PLXNA4: variants seen among roughly 807,000 people sequenced by gnomAD.
PLXNA4 encodes plexin-A4.
In PLXNA4, 44 loss-of-function variants were observed where a neutral mutation model predicts 191.8. That is an observed-to-expected ratio of 0.23 (90% CI 0.18 to 0.29). PLXNA4 has a LOEUF of 0.29. PLXNA4 is among the 10% of genes least tolerant of loss of function. The pLI is 1.00. For missense variants in PLXNA4, 1,800 were observed against 2,488.8 expected, an observed-to-expected ratio of 0.72 and a Z score of 5.89; for synonymous variants, 1,082 against 1,009.5, an observed-to-expected ratio of 1.07 and a Z score of -1.36.
At chr7:132,520,998 G>A (rs956971489) in intron 1 of PLXNA4, among the ~76,000 whole-genome samples, 10 of 151,746 alleles carry the variant, frequency 6.6e-5, no homozygotes, top group East Asian at 1.9e-4. Flanking sequence ...TCAATTCCCC[G>A]AAAAATCAGG....
chr7:132,648,021 A>G (rs930753738), intron 1 of PLXNA4, among the ~76,000 whole-genome samples: 1 of 151,768 alleles, frequency 6.6e-6, no homozygotes, highest in African/African-American at 2.4e-5. Flanking sequence ...ACACACATAT[A>G]CTCACACACA....
chr7:132,452,231 C>T (rs566080751), intron 3 of PLXNA4, among the ~76,000 whole-genome samples: 1 of 152,266 alleles, frequency 6.6e-6, no homozygotes, highest in African/African-American at 2.4e-5. Flanking sequence ...GCAAGGCATC[C>T]CAGCACCATG....
Position 132,228,432 on chromosome 7 carries a change from G to C in PLXNA4, c.1642C>G (p.Pro548Ala), listed in dbSNP as rs752526372. 6.2e-7 allele frequency: 1 copy of C among 1,614,120 alleles called. No individual in the cohort carries two copies. The highest frequency in any genetic ancestry group is 1.1e-5 in the South Asian group (1 of 91,078). The change falls in exon 6 of 32, where the codon CCC becomes GCC. Residue 548 changes from proline to alanine, a missense_variant. Coordinates refer to ENST00000321063, the MANE Select transcript of PLXNA4 (RefSeq NM_020911.2). ...RKERCERSKEPRRFASEMKQC... is the reference protein window; with the variant it reads ...RKERCERSKEARRFASEMKQC... ...TTCATCTCCGAGGCAAACCTGCGGG[G>C]CTCCTTGGACCGCTCACACCGCTCC...
At chr7:132,139,702 C>T (rs747042807) in intron 30 of PLXNA4, among the ~76,000 whole-genome samples, 4 of 152,192 alleles carry the variant, frequency 2.6e-5, no homozygotes, top group East Asian at 1.9e-4. Context: ...CTGAAAGTAA[C>T]GCAAATAAGT....
intron 4 of PLXNA4, among the ~76,000 whole-genome samples, chr7:132,260,856 G>A (rs1257662466): frequency 1.3e-5 from 2 of 152,036 alleles, no homozygotes; most frequent in Non-Finnish European, 2.9e-5. Flanking sequence ...ACCCCAGAGT[G>A]AGCCCTACCA....
At chr7:132,446,326 G>A (rs1795910848) in intron 3 of PLXNA4, among the ~76,000 whole-genome samples, 1 of 152,094 alleles carries the variant, frequency 6.6e-6, no homozygotes, top group African/African-American at 2.4e-5. Flanking sequence ...CAACAAACTA[G>A]GCACAGGCAC....
chr7:132,287,914 A>G (rs1221543432), intron 4 of PLXNA4, among the ~76,000 whole-genome samples: 1 of 152,164 alleles, frequency 6.6e-6, no homozygotes, highest in Non-Finnish European at 1.5e-5. Flanking sequence ...CTGAGTTCTG[A>G]TCACATCTGC....
intron 4 of PLXNA4, among the ~76,000 whole-genome samples, chr7:132,261,676 C>T (rs1466798025): frequency 6.6e-6 from 1 of 152,238 alleles, no homozygotes; most frequent in Non-Finnish European, 1.5e-5. Flanking sequence ...CACAGCCCTT[C>T]AGGACCCGGG....
In PLXNA4 at chr7:132,489,465, T is replaced by C; in HGVS notation, c.1198A>G (p.Ile400Val). ...TCCAGGCCACAGAAGTTATCGTCAATGGTTAAGAGCTGCAAATTTTAAAAA... is the reference window on the plus strand; with the variant it reads ...TCCAGGCCACAGAAGTTATCGTCAACGGTTAAGAGCTGCAAATTTTAAAAA... The part of the protein sequence containing the change: ...DIPCSSALLT[I>V]DDNFCGLDMN... The change falls in exon 3 of 32, where the codon ATT (isoleucine) becomes GTT (valine). Residue 400 changes from isoleucine to valine, a missense_variant. Around this residue, in one of 6 missense-constraint regions of PLXNA4, gnomAD observed 1,397 missense variants for 1,880.4 expected, o/e 0.74. Coordinates refer to ENST00000321063, the MANE Select transcript of PLXNA4 (RefSeq NM_020911.2). 1.3e-6 allele frequency: 2 copies of C among 1,567,856 alleles called. No homozygotes were observed. Among genetic ancestry groups the C allele is most frequent in the Non-Finnish European group, 1.7e-6 (2 of 1,143,860 alleles).
intron 3 of PLXNA4, among the ~76,000 whole-genome samples, chr7:132,300,558 G>A (rs971687225): frequency 6.6e-6 from 1 of 152,244 alleles, no homozygotes; most frequent in African/African-American, 2.4e-5. Flanking sequence ...AAATGCCTCT[G>A]ATTCCCAGAG....
chr7:132,443,205 G>C (rs779115537), intron 3 of PLXNA4, among the ~76,000 whole-genome samples: 1 of 152,126 alleles, frequency 6.6e-6, no homozygotes, highest in Non-Finnish European at 1.5e-5. Flanking sequence ...GCTGATGTTT[G>C]GAGGTTTTCC....
In PLXNA4 at chr7:132,185,368, T is replaced by A; in HGVS notation, c.3089A>T (p.Gln1030Leu). The A allele has an allele frequency of 6.2e-7, 1 of 1,614,140 alleles. No homozygotes were observed. Among genetic ancestry groups the A allele is most frequent in the Non-Finnish European group, 8.5e-7 (1 of 1,180,006 alleles). Residue 1030 changes from glutamine to leucine, a missense_variant, in exon 16 of 32, where the codon CAG becomes CTG. Gln to Leu is a moderately radical substitution (Grantham distance 113, BLOSUM62 -2). Transcript: ENST00000321063. ...SVQVDRAKIHQDLVFQYVEDP... is the reference protein window; with the variant it reads ...SVQVDRAKIHLDLVFQYVEDP... Reference sequence around the variant, plus strand: ...TTCCACATACTGAAAGACCAGGTCCTGGTGGATCTTGGCCCTGTCCACCTG... The same window carrying A: ...TTCCACATACTGAAAGACCAGGTCCAGGTGGATCTTGGCCCTGTCCACCTG...
intron 4 of PLXNA4, among the ~76,000 whole-genome samples, chr7:132,265,618 T>C (rs1034930697): frequency 6.6e-6 from 1 of 152,234 alleles, no homozygotes; most frequent in Non-Finnish European, 1.5e-5. Context: ...GGGTCCTTCC[T>C]AGGTATTTAT....
chr7:132,346,355 CA>C (rs1428316560), intron 3 of PLXNA4, among the ~76,000 whole-genome samples: 1 of 152,076 alleles, frequency 6.6e-6, no homozygotes, highest in Non-Finnish European at 1.5e-5. Context: ...TTTAACAAAA[CA>C]AAATAAAAAC....
intron 3 of PLXNA4, among the ~76,000 whole-genome samples, chr7:132,477,957 T>G (rs1797195202): frequency 6.6e-6 from 1 of 152,212 alleles, no homozygotes. Context: ...AGAAAGAGAT[T>G]CATTAGTTTC....
chr7:132,261,093 T>C (rs1160649645), intron 4 of PLXNA4, among the ~76,000 whole-genome samples: 1 of 152,210 alleles, frequency 6.6e-6, no homozygotes, highest in Non-Finnish European at 1.5e-5. Flanking sequence ...TGTTTTATCA[T>C]TCCTTTAATG....
Position 132,508,164 on chromosome 7 carries a change from C to A in PLXNA4, c.530G>T (p.Ser177Ile). ...AATGAACAGCTTGTCATCCAGGTTG[C>A]TGTAGGAGACGATCACTCCAAAGAC... ...GSVFGVIVSY[S>I]NLDDKLFIAT... is the part of the protein sequence containing the mutation. Residue 177 changes from serine (S) to isoleucine (I), a missense_variant, in exon 2 of 32, where the codon AGC (serine) becomes ATC (isoleucine). Physicochemically the swap from Ser to Ile is moderately radical, Grantham distance 142. This residue lies in a region of PLXNA4 where 1,397 missense variants were observed against 1,880.4 expected (regional missense o/e 0.74). Coordinates refer to ENST00000321063, the MANE Select transcript of PLXNA4 (RefSeq NM_020911.2). The surrounding 1 kb of genome is among the most constrained non-coding windows in gnomAD (Gnocchi z 4.4). 6.2e-7 allele frequency: 1 copy of A among 1,614,202 alleles called. No individual in the cohort carries two copies. The highest frequency in any genetic ancestry group is 1.1e-5 in the South Asian group (1 of 91,080).
chr7:132,337,239 G>A (rs1041469792), intron 3 of PLXNA4, among the ~76,000 whole-genome samples: 2 of 152,326 alleles, frequency 1.3e-5, no homozygotes, highest in African/African-American at 4.8e-5. Context: ...ACTTGCAAAC[G>A]TGCTGTAGAT....
intron 3 of PLXNA4, among the ~76,000 whole-genome samples, chr7:132,470,059 T>C (rs1193391880): frequency 2.0e-5 from 3 of 152,202 alleles, no homozygotes; most frequent in East Asian, 1.9e-4. Context: ...CTCTGCCTTG[T>C]CCAGTTAAGA....
Sources: gnomAD v4.1 joint callset for allele counts (sites outside exome capture counted in the v4.1 genomes callset) on GRCh38, gnomAD v4.1.1 for gene constraint, gnomAD v4.1.1 regional missense constraint, Gnocchi (gnomAD v3.1) non-coding constraint, MANE v1.5 for transcripts, NCBI Gene and HGNC (gene_info 2026-07-23, HGNC 2026-07-21) for gene names.